TMTC4: variants seen among roughly 807,000 people sequenced by gnomAD.
TMTC4 encodes the protein transmembrane O-mannosyltransferase targeting cadherins 4.
In TMTC4, 65 loss-of-function variants were observed where a neutral mutation model predicts 86.0. That is an observed-to-expected ratio of 0.76 (90% confidence interval 0.62 to 0.93). TMTC4 has a LOEUF of 0.93. TMTC4 is among the 40% of genes least tolerant of loss of function. The pLI is 0.00. For synonymous variants in TMTC4, 379 were observed against 382.5 expected (o/e 0.99, Z 0.11); for missense variants, 866 against 948.1 (o/e 0.91, Z 1.14).
At chr13:100,674,057 TCAA>T (rs1359840612) in intron 1 of TMTC4, 6 of 984,922 alleles carry the variant, frequency 6.1e-6, no homozygotes, top group Non-Finnish European at 7.2e-6. Flanking sequence ...AGCCACAACA[TCAA>T]CAAGACCAGA....
intron 15 of TMTC4, among the ~76,000 whole-genome samples, chr13:100,616,570 G>A (rs1878540805): frequency 6.6e-6 from 1 of 152,186 alleles, no homozygotes; most frequent in African/African-American, 2.4e-5. Flanking sequence ...GGGCCAAATG[G>A]CAGTTCTAAG....
rs763742841 is a variant in TMTC4 at position 100,625,754 on chromosome 13, T to C, written c.1694+31A>G. 4.3e-6 allele frequency: 7 copies of C among 1,609,664 alleles called. No individual in the cohort carries two copies. The Admixed American group carries it at 5.1e-5, about 12-fold the overall frequency. Reference sequence around the variant, plus strand: ...CGGAATGCAGGAGCTCCTTTCTTTGTCACTAGCATAATTATAAAAACAATG... The same window carrying C: ...CGGAATGCAGGAGCTCCTTTCTTTGCCACTAGCATAATTATAAAAACAATG... On this transcript the variant is annotated intron_variant, in intron 14 of 18. Transcript: ENST00000342624.
Position 100,625,685 on chromosome 13 carries a change from G to T in TMTC4, c.1695-9C>A. On this transcript the variant is annotated splice_polypyrimidine_tract_variant and intron_variant, in intron 14 of 18. Coordinates refer to ENST00000342624, the MANE Select transcript of TMTC4 (RefSeq NM_032813.5). ...CAGCGGCAAAGTCTGGCCTAGAGGA[G>T]CAGTTTTAACAAAGATAAACAAGAA... 1 of 1,613,504 alleles carries T rather than the reference G, an allele frequency of 6.2e-7. No homozygotes were observed. The highest frequency in any genetic ancestry group is 8.5e-7 in the Non-Finnish European group (1 of 1,179,544).
rs35563246 is a variant in TMTC4 at position 100,656,542 on chromosome 13, C to CTTTT, written c.553-78_553-75dup. The CTTTT allele has an allele frequency of 5.5e-3, 2,131 of 385,084 alleles. 41 individuals are homozygous for CTTTT. Among genetic ancestry groups the CTTTT allele is most frequent in the African/African-American group, 0.023 (927 of 40,176 alleles). The allele number at this position is 385,084 out of a possible 1,614,324, so 23.9% of individuals were successfully genotyped here. A position where few individuals can be genotyped will look rare whatever the true frequency, so the allele number is the denominator to read the frequency against. ...GAAATCCTAAACTTAGGAGACATAA[C>CTTTT]TTTTTTTTTTTTTTTTTTGCGACAG... On this transcript the variant is annotated intron_variant, in intron 5 of 18. Coordinates refer to ENST00000342624, the MANE Select transcript of TMTC4 (RefSeq NM_032813.5).
At chr13:100,674,855 A>G (rs567364521), upstream of TMTC4, 1 of 943,728 alleles carries the variant, frequency 1.1e-6, no homozygotes, top group Non-Finnish European at 1.3e-6. Flanking sequence ...CGCGCACCCG[A>G]CCCCCCCCGC....
intron 5 of TMTC4, among the ~76,000 whole-genome samples, chr13:100,660,354 G>GA (rs1885625402): frequency 2.9e-5 from 4 of 137,386 alleles, no homozygotes; most frequent in African/African-American, 5.2e-5. Context: ...AAAAAGAAAA[G>GA]AAAAAAAAAG....
intron 7 of TMTC4, among the ~76,000 whole-genome samples, chr13:100,640,288 C>G (rs944021543): frequency 6.6e-6 from 1 of 152,014 alleles, no homozygotes; most frequent in Non-Finnish European, 1.5e-5. Context: ...ATCCCACAAA[C>G]CCAGAACAGC....
At chr13:100,615,748 C>T (rs555904930) in intron 15 of TMTC4, among the ~76,000 whole-genome samples, 1 of 152,310 alleles carries the variant, frequency 6.6e-6, no homozygotes, top group East Asian at 1.9e-4. Context: ...CCACCGCACT[C>T]GGCCTTCAAC....
intron 4 of TMTC4, among the ~76,000 whole-genome samples, chr13:100,663,434 A>G (rs1185439031): frequency 1.3e-5 from 2 of 152,224 alleles, no homozygotes; most frequent in Non-Finnish European, 2.9e-5. Flanking sequence ...CGCTGAAGCA[A>G]CTTGCAGAGG....
chr13:100,661,362 A>G (rs1326923911), intron 5 of TMTC4, among the ~76,000 whole-genome samples: 5 of 152,234 alleles, frequency 3.3e-5, no homozygotes, highest in Non-Finnish European at 5.9e-5. Flanking sequence ...CTTTTTATAA[A>G]TCAACTTCTG....
intron 12 of TMTC4, among the ~76,000 whole-genome samples, chr13:100,632,819 C>A (rs935264215): frequency 9.2e-5 from 14 of 152,282 alleles, no homozygotes; most frequent in African/African-American, 3.4e-4. Flanking sequence ...AGAGAGCTCC[C>A]CGTCTCCACC....
chr13:100,643,286 C>T lies in TMTC4; in HGVS notation c.641-975G>A, dbSNP rs555772967. Among the ~76,000 whole-genome samples the T allele has an allele frequency of 7.2e-5, 11 of 152,316 alleles. No individual in the cohort carries two copies. The South Asian group carries it at 1.7e-3, about 23-fold the overall frequency. On this transcript the variant is annotated intron_variant, in intron 6 of 18. Coordinates refer to ENST00000342624, the MANE Select transcript of TMTC4 (RefSeq NM_032813.5). ...AATTGTTAGCTCGCCTGGCATTACT[C>T]GGTTCAATTCCACTTACACCTGGAA...
At chr13:100,622,503 AC>A (rs1879675705) in intron 15 of TMTC4, among the ~76,000 whole-genome samples, 1 of 152,132 alleles carries the variant, frequency 6.6e-6, no homozygotes, top group South Asian at 2.1e-4. Flanking sequence ...TTTCCCCCAT[AC>A]TGTTCTCGTG....
chr13:100,629,799 G>A (rs9518108), intron 12 of TMTC4, among the ~76,000 whole-genome samples: 27,990 of 152,066 alleles, frequency 0.18, 2,869 homozygotes, highest in Admixed American at 0.24. Context: ...TATGACCCCA[G>A]TCCAGTATGA....
intron 6 of TMTC4, among the ~76,000 whole-genome samples, chr13:100,649,642 A>C (rs1884181905): frequency 6.6e-6 from 1 of 151,998 alleles, no homozygotes; most frequent in Admixed American, 6.6e-5. Context: ...TAATACCCAA[A>C]AGTTAATCAT....
Position 100,636,700 on chromosome 13 carries a change from G to C in TMTC4, c.1034C>G (p.Ala345Gly), listed in dbSNP as rs1033798549. 4.3e-6 allele frequency: 7 copies of C among 1,614,034 alleles called. No homozygotes were observed. The African/African-American group carries it at 8.0e-5, about 18-fold the overall frequency. The change falls in exon 10 of 19, where the codon GCC becomes GGC. Residue 345 changes from alanine to glycine, a missense_variant. Ala to Gly is a moderately conservative substitution (Grantham distance 60). Coordinates refer to ENST00000342624, the MANE Select transcript of TMTC4 (RefSeq NM_032813.5). ...VNYNYYYSLN[A>G]WLLLCPWWLC... ...CCACCAGGGACACAGCAGCAGCCAG[G>C]CATTCAATGAATAGTAGTAATTGTA... is the stretch of plus-strand genomic sequence containing the variant.
chr13:100,670,251 G>T, intron 2 of TMTC4, 109 bp downstream of exon 2: 1 of 1,274,132 alleles, frequency 7.8e-7, no homozygotes, highest in Non-Finnish European at 1.1e-6. Flanking sequence ...CCCAGATTAT[G>T]GAATCAATAA....
chr13:100,614,197 C>A, intron 16 of TMTC4, 119 bp downstream of exon 16: 2 of 751,690 alleles, frequency 2.7e-6, no homozygotes, highest in South Asian at 2.1e-5. Flanking sequence ...ATTAACTTCA[C>A]ATTAATTTTT....
intron 5 of TMTC4, among the ~76,000 whole-genome samples, chr13:100,660,197 G>T (rs1214340118): frequency 6.6e-6 from 1 of 151,568 alleles, no homozygotes; most frequent in Non-Finnish European, 1.5e-5. Context: ...CGGATGTGGT[G>T]GTGCACGCCT....
Sources: allele counts gnomAD v4.1 joint callset (sites outside exome capture counted in the v4.1 genomes callset), GRCh38; gene constraint gnomAD v4.1.1; transcripts MANE v1.5; gene names NCBI Gene and HGNC (gene_info 2026-07-23, HGNC 2026-07-21).